Variants in SLC35F1 observed in about 807,000 individuals in gnomAD.
The protein encoded by SLC35F1 is chromosome 6 open reading frame 169.
SLC35F1 carries 14 observed loss-of-function variants against 48.7 expected under a neutral mutation model. The observed-to-expected ratio is 0.29, with a 90% CI of 0.19 to 0.45. The LOEUF (loss-of-function observed/expected upper bound fraction) is 0.45, where lower values mean the gene tolerates loss of function less well. SLC35F1 is among the 20% of genes least tolerant of loss of function. The pLI is 1.00. For synonymous variants in SLC35F1, 190 were observed against 202.2 expected, an observed-to-expected ratio of 0.94 and a Z score of 0.51; for missense variants, 404 against 500.0, an observed-to-expected ratio of 0.81 and a Z score of 1.83.
intron 3 of SLC35F1, among the ~76,000 whole-genome samples, chr6:118,264,037 C>T (rs1257668726): frequency 6.6e-6 from 1 of 152,180 alleles, no homozygotes; most frequent in Admixed American, 6.5e-5. Context: ...ATTTGTGTGA[C>T]CTTGAGCACA....
chr6:118,275,733 A>G (rs1483528978), intron 5 of SLC35F1, 118 bp downstream of exon 5: 27 of 865,020 alleles, frequency 3.1e-5, no homozygotes, highest in Non-Finnish European at 4.5e-5. Context: ...CTTCCTGTAC[A>G]AAGGACTTAT....
At chr6:118,072,608 A>T (rs1438528149) in intron 1 of SLC35F1, among the ~76,000 whole-genome samples, 3 of 152,076 alleles carry the variant, frequency 2.0e-5, no homozygotes, top group Middle Eastern at 3.4e-3. Context: ...TCTTAATCAC[A>T]TTTTTATTCT....
At chr6:118,154,748 C>G in intron 2 of SLC35F1, 128 bp downstream of exon 2, 1 of 871,370 alleles carries the variant, frequency 1.1e-6, no homozygotes, top group South Asian at 2.5e-5. Context: ...TCTTACTTTT[C>G]TATTTTGCAG....
chr6:118,304,123 G>A (rs1776285308), intron 7 of SLC35F1, among the ~76,000 whole-genome samples: 1 of 152,198 alleles, frequency 6.6e-6, no homozygotes, highest in Non-Finnish European at 1.5e-5. Flanking sequence ...ATATGCTCAT[G>A]GGTGCTCAAA....
intron 2 of SLC35F1, among the ~76,000 whole-genome samples, chr6:118,178,581 G>C (rs1447648103): frequency 1.3e-5 from 2 of 152,028 alleles, no homozygotes; most frequent in African/African-American, 2.4e-5. Context: ...ATTAGCCCAG[G>C]TGCCTTTTTT....
intron 1 of SLC35F1, among the ~76,000 whole-genome samples, chr6:118,050,130 C>T (rs1286258100): frequency 6.6e-6 from 1 of 152,072 alleles, no homozygotes; most frequent in Non-Finnish European, 1.5e-5. Context: ...AAACCAAACA[C>T]CACATGTTCT....
chr6:118,006,790 AC>A (rs1247415933), intron 1 of SLC35F1, among the ~76,000 whole-genome samples: 1 of 151,726 alleles, frequency 6.6e-6, no homozygotes, highest in Non-Finnish European at 1.5e-5. Context: ...TTCCATACAC[AC>A]CCCCCTGAAT....
chr6:118,229,903 C>T (rs537527903), intron 2 of SLC35F1, among the ~76,000 whole-genome samples: 73 of 152,316 alleles, frequency 4.8e-4, no homozygotes, highest in African/African-American at 1.8e-3. Flanking sequence ...TGTCTATTCT[C>T]AAACACTGAA....
At chr6:118,024,390 G>A (rs533844396) in intron 1 of SLC35F1, among the ~76,000 whole-genome samples, 5 of 152,308 alleles carry the variant, frequency 3.3e-5, no homozygotes, top group Admixed American at 3.3e-4. Context: ...TATAATTTTA[G>A]CAATGGAGAA....
chr6:118,240,885 C>A (rs1443023593), intron 3 of SLC35F1, among the ~76,000 whole-genome samples: 1 of 152,080 alleles, frequency 6.6e-6, no homozygotes, highest in East Asian at 1.9e-4. Flanking sequence ...GATGGCGAGA[C>A]AAAGAGGCAG....
intron 1 of SLC35F1, among the ~76,000 whole-genome samples, chr6:117,924,380 T>C (rs1775991398): frequency 6.9e-6 from 1 of 145,622 alleles, no homozygotes; most frequent in Non-Finnish European, 1.5e-5. Flanking sequence ...TACACATGCA[T>C]ATGTATATAC....
chr6:118,123,350 GA>G (rs1259856486), intron 1 of SLC35F1, among the ~76,000 whole-genome samples: 1 of 151,892 alleles, frequency 6.6e-6, no homozygotes, highest in Non-Finnish European at 1.5e-5. Flanking sequence ...AACTATTGTT[GA>G]GTAGAATTGA....
At chr6:118,081,731 C>T (rs1444483153) in intron 1 of SLC35F1, among the ~76,000 whole-genome samples, 1 of 152,170 alleles carries the variant, frequency 6.6e-6, no homozygotes, top group Non-Finnish European at 1.5e-5. Context: ...GTGATGTGCT[C>T]AGTACATGTC....
intron 1 of SLC35F1, among the ~76,000 whole-genome samples, chr6:117,928,653 G>T (rs1030807450): frequency 1.3e-5 from 2 of 152,118 alleles, no homozygotes; most frequent in Non-Finnish European, 2.9e-5. Context: ...ATACTAGTTT[G>T]CTCTATGTTC....
intron 2 of SLC35F1, among the ~76,000 whole-genome samples, chr6:118,211,685 T>G (rs1775002485): frequency 6.6e-6 from 1 of 152,218 alleles, no homozygotes; most frequent in African/African-American, 2.4e-5. Context: ...ATTTTAATAT[T>G]TTCATGCTGC....
chr6:117,983,492 A>C (rs1439449429), intron 1 of SLC35F1, among the ~76,000 whole-genome samples: 1 of 152,060 alleles, frequency 6.6e-6, no homozygotes, highest in Non-Finnish European at 1.5e-5. Flanking sequence ...CAGGAGAATC[A>C]CTTGAACCCA....
intron 1 of SLC35F1, among the ~76,000 whole-genome samples, chr6:118,036,336 T>G (rs920930368): frequency 6.6e-6 from 1 of 152,232 alleles, no homozygotes; most frequent in Admixed American, 6.5e-5. Flanking sequence ...TCCTGATATC[T>G]CAATACTATT....
intron 3 of SLC35F1, among the ~76,000 whole-genome samples, chr6:118,261,697 CAG>C (rs1230261369): frequency 1.3e-5 from 2 of 152,152 alleles, no homozygotes; most frequent in African/African-American, 2.4e-5. Context: ...GCCAGAGAAA[CAG>C]AGAAGAGAGT....
intron 1 of SLC35F1, among the ~76,000 whole-genome samples, chr6:117,988,130 G>T (rs1165240347): frequency 6.6e-6 from 1 of 152,134 alleles, no homozygotes; most frequent in African/African-American, 2.4e-5. Flanking sequence ...GGATTGTGTG[G>T]GCTCCATCGT....
Sources: allele counts gnomAD v4.1 joint callset (sites outside exome capture counted in the v4.1 genomes callset), GRCh38; gene constraint gnomAD v4.1.1; transcripts MANE v1.5; gene names NCBI Gene and HGNC (gene_info 2026-07-23, HGNC 2026-07-21).